The following GPC5 variants were observed in gnomAD, a reference collection of about 807,000 sequenced individuals.
The protein encoded by GPC5 is glypican 5, also known as glypican-5.
Under a neutral mutation model 53.9 loss-of-function variants are expected in GPC5, and 47 were observed. That is an observed-to-expected ratio of 0.87 (90% CI 0.69 to 1.11). The LOEUF (loss-of-function observed/expected upper bound fraction) is 1.11. Ranked by LOEUF, GPC5 falls within the 50% of genes most tolerant of loss-of-function variation. The pLI is 0.00. For synonymous variants in GPC5, 286 were observed against 263.3 expected (o/e 1.09, Z -0.84); for missense variants, 748 against 713.1 (o/e 1.05, Z -0.56).
chr13:92,043,909 T>C (rs9301773), intron 6 of GPC5, among the ~76,000 whole-genome samples: 67,141 of 151,974 alleles, frequency 0.44, 15,163 homozygotes, highest in Admixed American at 0.52. Context: ...CTGTTGAATC[T>C]TATAGGGTAC....
chr13:92,676,361 T>A (rs1886937561), intron 7 of GPC5, among the ~76,000 whole-genome samples: 1 of 152,204 alleles, frequency 6.6e-6, no homozygotes. Context: ...TTTGGATATA[T>A]TTAATTCCAA....
chr13:91,997,043 C>T (rs570722575), intron 6 of GPC5, among the ~76,000 whole-genome samples: 6 of 152,036 alleles, frequency 3.9e-5, no homozygotes, highest in South Asian at 2.1e-4. Context: ...TTAGGAATAT[C>T]GGTGATACAC....
intron 7 of GPC5, among the ~76,000 whole-genome samples, chr13:92,588,111 T>A (rs1883595961): frequency 6.6e-6 from 1 of 152,174 alleles, no homozygotes; most frequent in Non-Finnish European, 1.5e-5. Flanking sequence ...GTGTGTGATG[T>A]TCCCCTCCCT....
chr13:91,440,215 T>A (rs1293699449), intron 1 of GPC5, among the ~76,000 whole-genome samples: 3 of 152,320 alleles, frequency 2.0e-5, no homozygotes, highest in African/African-American at 7.2e-5. Flanking sequence ...GGGACTCCAA[T>A]CTTACCTATG....
At chr13:92,606,786 G>A (rs1884274135) in intron 7 of GPC5, among the ~76,000 whole-genome samples, 1 of 151,662 alleles carries the variant, frequency 6.6e-6, no homozygotes, top group Admixed American at 6.6e-5. Flanking sequence ...TTTTGGGGGA[G>A]TTTTTTTTCA....
At chr13:91,498,098 T>TC in intron 2 of GPC5, among the ~76,000 whole-genome samples, 2 of 150,960 alleles carry the variant, frequency 1.3e-5, no homozygotes, top group South Asian at 4.2e-4. Context: ...ATTTTTTTTT[T>TC]CTCCCGCTTA....
intron 5 of GPC5, among the ~76,000 whole-genome samples, chr13:91,875,393 A>C (rs2039191111): frequency 6.6e-6 from 1 of 152,216 alleles, no homozygotes; most frequent in Non-Finnish European, 1.5e-5. Flanking sequence ...AGGTACGCTT[A>C]AGATGATATA....
intron 4 of GPC5, among the ~76,000 whole-genome samples, chr13:91,753,983 A>C (rs1174075600): frequency 6.6e-6 from 1 of 152,194 alleles, no homozygotes; most frequent in Admixed American, 6.5e-5. Context: ...CTTAGTACTC[A>C]GTAGCATTTA....
chr13:92,613,705 T>C (rs1014468932), intron 7 of GPC5, among the ~76,000 whole-genome samples: 3 of 140,154 alleles, frequency 2.1e-5, no homozygotes, highest in African/African-American at 7.9e-5. Context: ...ATTATATATA[T>C]ATAAAATCAG....
intron 7 of GPC5, among the ~76,000 whole-genome samples, chr13:92,628,361 C>T (rs1250223338): frequency 1.3e-4 from 18 of 143,720 alleles, no homozygotes; most frequent in Admixed American, 3.6e-4. Flanking sequence ...CTGCAACCTC[C>T]GCCTCCCGGG....
chr13:92,428,173 C>T (rs1876919751), intron 7 of GPC5, among the ~76,000 whole-genome samples: 1 of 152,082 alleles, frequency 6.6e-6, no homozygotes, highest in Admixed American at 6.6e-5. Context: ...GGCCCCCAAC[C>T]TATGGCGGAC....
At chr13:91,410,217 T>C (rs999526823) in intron 1 of GPC5, among the ~76,000 whole-genome samples, 18 of 152,192 alleles carry the variant, frequency 1.2e-4, no homozygotes, top group African/African-American at 3.9e-4. Flanking sequence ...TTGTAAACAG[T>C]AATAGTCTCT....
chr13:92,528,788 A>G (rs1881450413), intron 7 of GPC5, among the ~76,000 whole-genome samples: 1 of 151,976 alleles, frequency 6.6e-6, no homozygotes, highest in South Asian at 2.1e-4. Flanking sequence ...AGTGCTTTAA[A>G]TATGTCATTA....
chr13:91,860,848 G>A (rs2039020128), intron 5 of GPC5, among the ~76,000 whole-genome samples: 1 of 152,044 alleles, frequency 6.6e-6, no homozygotes, highest in Non-Finnish European at 1.5e-5. Flanking sequence ...TGGACCCTTA[G>A]GTTGATTCCA....
At chr13:91,877,216 A>C (rs2039212809) in intron 5 of GPC5, among the ~76,000 whole-genome samples, 1 of 152,212 alleles carries the variant, frequency 6.6e-6, no homozygotes, top group African/African-American at 2.4e-5. Flanking sequence ...CCCCACACAG[A>C]GTCCCTACTG....
chr13:91,737,956 G>A (rs1414760656), intron 4 of GPC5, among the ~76,000 whole-genome samples: 7 of 151,222 alleles, frequency 4.6e-5, no homozygotes, highest in Non-Finnish European at 7.4e-5. Context: ...CAAAAATATG[G>A]GGCTTAAGGA....
intron 7 of GPC5, among the ~76,000 whole-genome samples, chr13:92,679,424 G>T (rs565401115): frequency 2.6e-5 from 4 of 152,216 alleles, no homozygotes; most frequent in African/African-American, 9.6e-5. Context: ...ACTCAGATAG[G>T]ACTATATCAC....
intron 6 of GPC5, among the ~76,000 whole-genome samples, chr13:91,977,616 G>T (rs185950553): frequency 1.8e-4 from 27 of 152,134 alleles, no homozygotes; most frequent in African/African-American, 6.0e-4. Context: ...ATGCAAAAAA[G>T]GGCATTCTAA....
chr13:92,057,645 C>T (rs558508666), intron 6 of GPC5, among the ~76,000 whole-genome samples: 35 of 152,174 alleles, frequency 2.3e-4, no homozygotes, highest in African/African-American at 8.4e-4. Context: ...AGGGCTATTT[C>T]TGTATCTAGA....
Sources: allele counts gnomAD v4.1 joint callset (sites outside exome capture counted in the v4.1 genomes callset), GRCh38; gene constraint gnomAD v4.1.1; transcripts MANE v1.5; gene names NCBI Gene and HGNC (gene_info 2026-07-23, HGNC 2026-07-21).